Variants in PPARGC1A observed in about 807,000 individuals in gnomAD.
PPARGC1A encodes the protein peroxisome proliferator-activated receptor gamma coactivator 1-alpha.
In PPARGC1A, 25 loss-of-function variants were observed where a neutral mutation model predicts 88.7. The observed-to-expected ratio is 0.28, with a 90% CI of 0.21 to 0.39. PPARGC1A has a LOEUF of 0.39. PPARGC1A is among the 10% of genes least tolerant of loss of function. The pLI, the probability that PPARGC1A is intolerant of heterozygous loss-of-function variation, is 1.00. For missense variants in PPARGC1A, 880 were observed against 968.7 expected, an observed-to-expected ratio of 0.91 and a Z score of 1.22; for synonymous variants, 363 against 355.6, an observed-to-expected ratio of 1.02 and a Z score of -0.24.
the PPARGC1A span, among the ~76,000 whole-genome samples, chr4:24,066,941 A>T: frequency 6.8e-6 from 1 of 147,968 alleles, no homozygotes; most frequent in East Asian, 2.0e-4. Context: ...TAGGCGGTGA[A>T]GGCCAACACA....
upstream of PPARGC1A, among the ~76,000 whole-genome samples, chr4:23,894,357 T>G (rs1268576532): frequency 6.6e-6 from 1 of 152,156 alleles, no homozygotes; most frequent in Non-Finnish European, 1.5e-5. Context: ...TTTGGGCCTC[T>G]GGTTAGAAGC....
chr4:24,194,625 C>T, the PPARGC1A span, among the ~76,000 whole-genome samples: 18 of 72,074 alleles, frequency 2.5e-4, no homozygotes, highest in Admixed American at 5.6e-4. Flanking sequence ...CGCGCGCACG[C>T]GCGCGCACAC....
At chr4:24,269,398 A>C in the PPARGC1A span, among the ~76,000 whole-genome samples, 1 of 152,196 alleles carries the variant, frequency 6.6e-6, no homozygotes, top group Admixed American at 6.5e-5. Context: ...GAATGAACAC[A>C]TAAGAGAATG....
the PPARGC1A span, among the ~76,000 whole-genome samples, chr4:24,015,405 T>C: frequency 3.3e-5 from 5 of 152,138 alleles, no homozygotes; most frequent in Non-Finnish European, 7.3e-5. Flanking sequence ...TAAGCTGATA[T>C]TTCAGTGGTT....
At chr4:24,336,135 G>A in the PPARGC1A span, among the ~76,000 whole-genome samples, 5 of 151,850 alleles carry the variant, frequency 3.3e-5, no homozygotes, top group Admixed American at 6.5e-5. Flanking sequence ...TTCAAGAACC[G>A]TTCCCCTTCA....
the PPARGC1A span, among the ~76,000 whole-genome samples, chr4:24,057,510 T>C: frequency 6.8e-6 from 1 of 147,144 alleles, no homozygotes. Flanking sequence ...AGGGAAGCAA[T>C]GACATAAATC....
intron 2 of PPARGC1A, among the ~76,000 whole-genome samples, chr4:23,857,820 T>G (rs1730480046): frequency 6.6e-6 from 1 of 151,766 alleles, no homozygotes; most frequent in East Asian, 2.0e-4. Flanking sequence ...GAGACTCCTC[T>G]TGCAGTTTAG....
intron 2 of PPARGC1A, among the ~76,000 whole-genome samples, chr4:23,872,065 CAA>C (rs903151930): frequency 7.2e-5 from 11 of 152,064 alleles, no homozygotes; most frequent in African/African-American, 1.2e-4. Flanking sequence ...ATGATGGATC[CAA>C]GAGAGAGAGA....
the PPARGC1A span, among the ~76,000 whole-genome samples, chr4:24,471,336 A>G: frequency 2.7e-5 from 4 of 150,078 alleles, no homozygotes; most frequent in African/African-American, 9.7e-5. The surrounding 1 kb of genome is among the most constrained non-coding windows in gnomAD (Gnocchi z 5.4). Context: ...ACACAGACAC[A>G]CACCCGCGTG....
chr4:24,387,910 G>GAA, the PPARGC1A span, among the ~76,000 whole-genome samples: 7 of 9,206 alleles, frequency 7.6e-4, 1 homozygote, highest in African/African-American at 8.4e-4. Flanking sequence ...GAAAGAGAAA[G>GAA]AAAGAAAGAA....
At chr4:24,173,946 T>G in the PPARGC1A span, among the ~76,000 whole-genome samples, 22 of 152,356 alleles carry the variant, frequency 1.4e-4, no homozygotes, top group South Asian at 4.3e-3. Context: ...TCTATCTTTT[T>G]GGGGAACCAT....
the PPARGC1A span, among the ~76,000 whole-genome samples, chr4:24,175,534 C>T: frequency 2.2e-5 from 3 of 135,330 alleles, no homozygotes; most frequent in Admixed American, 2.3e-4. Context: ...ACCACCACAC[C>T]AAGCTTTTTT....
At chr4:24,184,324 C>T in the PPARGC1A span, among the ~76,000 whole-genome samples, 1 of 152,266 alleles carries the variant, frequency 6.6e-6, no homozygotes, top group African/African-American at 2.4e-5. Flanking sequence ...AGTGAGATAA[C>T]AGAAGATCCA....
chr4:24,253,988 G>A, the PPARGC1A span, among the ~76,000 whole-genome samples: 1 of 152,102 alleles, frequency 6.6e-6, no homozygotes, highest in Non-Finnish European at 1.5e-5. Context: ...CTTACTATCT[G>A]CCAAACACTG....
chr4:23,805,486 A>G (rs1210618597), intron 10 of PPARGC1A, among the ~76,000 whole-genome samples: 1 of 152,174 alleles, frequency 6.6e-6, no homozygotes, highest in Non-Finnish European at 1.5e-5. Context: ...ACGCCCTTCC[A>G]TGTAGATTGT....
At chr4:24,317,640 T>C in the PPARGC1A span, among the ~76,000 whole-genome samples, 10 of 130,034 alleles carry the variant, frequency 7.7e-5, no homozygotes, top group Admixed American at 4.3e-4. Context: ...GCAGTGGAAC[T>C]GGTCACCTGG....
At chr4:23,808,033 C>T (rs767131329) in intron 10 of PPARGC1A, among the ~76,000 whole-genome samples, 5 of 151,874 alleles carry the variant, frequency 3.3e-5, no homozygotes, top group Admixed American at 6.6e-5. Context: ...GGGCAGATCA[C>T]GAGGTCAGGA....
chr4:24,016,339 T>C, the PPARGC1A span, among the ~76,000 whole-genome samples: 1 of 152,180 alleles, frequency 6.6e-6, no homozygotes, highest in African/African-American at 2.4e-5. Flanking sequence ...CACTTAAATA[T>C]TTGAACCAAT....
At chr4:24,394,931 T>C in the PPARGC1A span, among the ~76,000 whole-genome samples, 1 of 152,204 alleles carries the variant, frequency 6.6e-6, no homozygotes, top group Non-Finnish European at 1.5e-5. Flanking sequence ...TGGGAGTTAA[T>C]TGGTTTTCAA....
Sources: allele counts gnomAD v4.1 joint callset (sites outside exome capture counted in the v4.1 genomes callset), GRCh38; gene constraint gnomAD v4.1.1; non-coding constraint Gnocchi (gnomAD v3.1); transcripts MANE v1.5; gene names NCBI Gene and HGNC (gene_info 2026-07-23, HGNC 2026-07-21).